The following MACROH2A1 variants were observed in gnomAD, a reference collection of about 807,000 sequenced individuals.
MACROH2A1 encodes macroH2A.1 histone.
In MACROH2A1, 2 loss-of-function variants were observed where a neutral mutation model predicts 31.6. The ratio of observed to expected loss-of-function variants is 0.06; its 90% CI spans 0.03 to 0.20. MACROH2A1 has a LOEUF of 0.20. MACROH2A1 is among the 10% of genes least tolerant of loss of function. The pLI is 1.00. For missense variants in MACROH2A1, 230 were observed against 474.0 expected (o/e 0.49, Z 4.78); for synonymous variants, 169 against 189.6 (o/e 0.89, Z 0.89).
chr5:135,345,927 T>A (rs1372399728), intron 7 of MACROH2A1, 41 bp downstream of exon 7: 2 of 1,321,532 alleles, frequency 1.5e-6, no homozygotes, highest in African/African-American at 1.4e-5. Flanking sequence ...TAATACTGCA[T>A]GTGTCACAAC....
In MACROH2A1 at chr5:135,343,433, A is replaced by G. The variant is rs540472164; in HGVS notation, c.780T>C (p.Ala260=). The G allele has an allele frequency of 6.2e-7, 1 of 1,613,878 alleles. No homozygotes were observed. Among genetic ancestry groups the G allele is most frequent in the African/African-American group, 1.3e-5 (1 of 75,050 alleles). Reference sequence around the variant, plus strand: ...GCAGGCCATGGCCTGCGCTGACAGCAGCTAGTGGTGCGGGGATGAAACAGA... The same window carrying G: ...GCAGGCCATGGCCTGCGCTGACAGCGGCTAGTGGTGCGGGGATGAAACAGA... ...KKNGPLEVAG[A]AVSAGHGLPA... The change falls in exon 8 of 9, where the codon GCT becomes GCC. Residue 260 remains alanine (A), a splice_region_variant and synonymous_variant. Coordinates refer to ENST00000511689, the MANE Select transcript of MACROH2A1 (RefSeq NM_138610.3).
chr5:135,339,814 G>T (rs2149713260), intron 8 of MACROH2A1, among the ~76,000 whole-genome samples: 1 of 152,338 alleles, frequency 6.6e-6, no homozygotes, highest in South Asian at 2.1e-4. Flanking sequence ...AAGCGATGGT[G>T]ATGGGGCCAC....
intron 2 of MACROH2A1, among the ~76,000 whole-genome samples, chr5:135,384,250 GGTT>G (rs1766087611): frequency 6.6e-6 from 1 of 152,190 alleles, no homozygotes; most frequent in Non-Finnish European, 1.5e-5. Flanking sequence ...GGCAGGGATG[GGTT>G]GTGGCCCTAT....
chr5:135,374,730 A>G (rs186486602), intron 2 of MACROH2A1, among the ~76,000 whole-genome samples: 46 of 152,342 alleles, frequency 3.0e-4, no homozygotes, highest in African/African-American at 1.1e-3. Flanking sequence ...CCAGGAAAAC[A>G]CCAGATCTAT....
In MACROH2A1 at chr5:135,369,680, GAC is replaced by G; in HGVS notation, c.280-79_280-78del. The G allele has an allele frequency of 3.3e-6, 4 of 1,208,838 alleles. No homozygotes were observed. The South Asian group carries it at 5.0e-5, about 15-fold the overall frequency. The allele number at this position is 1,208,838 out of a possible 1,614,324, so 74.9% of individuals were successfully genotyped here. Reference sequence around the variant, plus strand: ...CCTTCAAGAAGCCAGCCCTGCCCAGGACAGTCTTGCTTTGGGTTGGTGCAGCT... The same window carrying G: ...CCTTCAAGAAGCCAGCCCTGCCCAGGAGTCTTGCTTTGGGTTGGTGCAGCT... On this transcript the variant is annotated intron_variant, in intron 3 of 8. Coordinates refer to ENST00000511689, the MANE Select transcript of MACROH2A1 (RefSeq NM_138610.3). The surrounding 1 kb of genome is among the most constrained non-coding windows in gnomAD (Gnocchi z 4.3).
chr5:135,361,477 G>A (rs1034553500), intron 4 of MACROH2A1: 1 of 152,222 alleles, frequency 6.6e-6, no homozygotes, highest in Non-Finnish European at 1.5e-5. Context: ...GACAAAGCCT[G>A]TATTAGAAAT....
chr5:135,355,992 A>G (rs966682135), intron 5 of MACROH2A1: 1 of 152,240 alleles, frequency 6.6e-6, no homozygotes, highest in Non-Finnish European at 1.5e-5. Context: ...AACTGTAAAA[A>G]TTCCCAAAAT....
intron 5 of MACROH2A1, chr5:135,359,499 T>C (rs1674931795): frequency 1.0e-6 from 1 of 984,058 alleles, no homozygotes; most frequent in East Asian, 1.1e-4. Context: ...ATGTAAACAG[T>C]AATGGTTATT....
intron 5 of MACROH2A1, chr5:135,358,105 G>T: frequency 1.0e-6 from 1 of 984,368 alleles, no homozygotes; most frequent in Non-Finnish European, 1.2e-6. Flanking sequence ...TTTTAAATGT[G>T]CTTTTTGTAA....
intron 4 of MACROH2A1, among the ~76,000 whole-genome samples, chr5:135,368,448 G>C (rs1300540927): frequency 6.6e-6 from 1 of 152,236 alleles, no homozygotes; most frequent in Non-Finnish European, 1.5e-5. Context: ...TGCATTTCCA[G>C]GACTTCTTAT....
intron 7 of MACROH2A1, 24 bp from the exon 8 acceptor site, chr5:135,343,458 A>C: frequency 6.2e-7 from 1 of 1,611,128 alleles, no homozygotes; most frequent in South Asian, 1.1e-5. Flanking sequence ...GATGAAACAG[A>C]AACAGTGAGC....
chr5:135,375,298 A>G (rs1387601625), intron 2 of MACROH2A1, among the ~76,000 whole-genome samples: 1 of 152,164 alleles, frequency 6.6e-6, no homozygotes, highest in Admixed American at 6.5e-5. Flanking sequence ...AACGTTCCCC[A>G]GCTTCATTGA....
chr5:135,379,163 G>A (rs1457276116), intron 2 of MACROH2A1, among the ~76,000 whole-genome samples: 1 of 152,162 alleles, frequency 6.6e-6, no homozygotes, highest in Non-Finnish European at 1.5e-5. Context: ...GGCTCCCACA[G>A]CTCTGCAGGG....
intron 4 of MACROH2A1, among the ~76,000 whole-genome samples, chr5:135,368,938 C>T (rs1763848024): frequency 6.6e-6 from 1 of 152,224 alleles, no homozygotes; most frequent in African/African-American, 2.4e-5. Flanking sequence ...ACAGAGGCAA[C>T]CATTCTGGAG....
chr5:135,364,172 T>C lies in MACROH2A1; in HGVS notation c.478-3565A>G, dbSNP rs577063404. On this transcript the variant is annotated intron_variant, in intron 4 of 8. Coordinates refer to ENST00000511689, the MANE Select transcript of MACROH2A1 (RefSeq NM_138610.3). ...ACCAAACACCGCATGTTCTCACTCATAGGTGGGAATTGAATAATGAGAACA... is the reference window on the plus strand; with the variant it reads ...ACCAAACACCGCATGTTCTCACTCACAGGTGGGAATTGAATAATGAGAACA... Among the ~76,000 whole-genome samples the C allele has an allele frequency of 3.9e-5, 6 of 152,208 alleles. No homozygotes were observed. The East Asian group carries it at 1.2e-3, about 29-fold the overall frequency.
chr5:135,362,956 C>T (rs1190857350), intron 4 of MACROH2A1: 4 of 152,134 alleles, frequency 2.6e-5, no homozygotes, highest in African/African-American at 9.7e-5. Flanking sequence ...AGTCACAGGA[C>T]ATAAAAGTGA....
chr5:135,342,680 C>T (rs185159817), intron 8 of MACROH2A1, among the ~76,000 whole-genome samples: 2 of 152,302 alleles, frequency 1.3e-5, no homozygotes, highest in Admixed American at 6.5e-5. Flanking sequence ...TTCAATCTCA[C>T]GTAATTCCCC....
At chr5:135,350,561 G>C in intron 6 of MACROH2A1, 1 of 429,182 alleles carries the variant, frequency 2.3e-6, no homozygotes, top group Non-Finnish European at 4.3e-6. Context: ...TGCCTTGTGG[G>C]GCAGGTGAAG....
intron 4 of MACROH2A1, chr5:135,360,821 C>T (rs763301679): frequency 1.5e-5 from 10 of 673,668 alleles, no homozygotes; most frequent in South Asian, 3.1e-5. Context: ...ACTTTATGAT[C>T]GTAAAAAAAA....
Sources: allele counts gnomAD v4.1 joint callset (sites outside exome capture counted in the v4.1 genomes callset), GRCh38; gene constraint gnomAD v4.1.1; non-coding constraint Gnocchi (gnomAD v3.1); transcripts MANE v1.5; gene names NCBI Gene and HGNC (gene_info 2026-07-23, HGNC 2026-07-21).